CDH4: variants seen among roughly 807,000 people sequenced by gnomAD.
CDH4 encodes the protein cadherin-4.
Under a neutral mutation model 86.0 loss-of-function variants are expected in CDH4, and 33 were observed. The observed-to-expected ratio is 0.38, with a 90% confidence interval of 0.29 to 0.51. The LOEUF (loss-of-function observed/expected upper bound fraction) is 0.51. CDH4 is among the 20% of genes least tolerant of loss of function. CDH4 has a pLI of 0.86. For missense variants in CDH4, 1,114 were observed against 1,307.4 expected, an observed-to-expected ratio of 0.85 and a Z score of 2.28; for synonymous variants, 555 against 549.4, an observed-to-expected ratio of 1.01 and a Z score of -0.14.
At chr20:61,565,299 C>G (rs6121436) in intron 2 of CDH4, among the ~76,000 whole-genome samples, 2 of 10,040 alleles carry the variant, frequency 2.0e-4, no homozygotes, top group African/African-American at 7.0e-4. Context: ...ATGGTGGTGG[C>G]GGTGCTCTTG....
chr20:61,448,741 G>A (rs749323580), intron 2 of CDH4, among the ~76,000 whole-genome samples: 14 of 152,060 alleles, frequency 9.2e-5, no homozygotes, highest in Non-Finnish European at 1.9e-4. Flanking sequence ...TCGCGTGCAC[G>A]TGCAGTTCTG....
intron 2 of CDH4, among the ~76,000 whole-genome samples, chr20:61,479,175 GTTTTTTGT>G (rs973495572): frequency 9.8e-5 from 11 of 112,350 alleles, no homozygotes; most frequent in East Asian, 8.9e-4. Context: ...CTGGTTTTTT[GTTTTTTGT>G]TTTTTTGTTT....
chr20:61,764,091 A>G (rs1427920524), intron 3 of CDH4, among the ~76,000 whole-genome samples: 1 of 152,206 alleles, frequency 6.6e-6, no homozygotes, highest in African/African-American at 2.4e-5. Context: ...TTACAGCCTC[A>G]TCACACAGAC....
At chr20:61,616,276 G>A (rs948679442) in intron 2 of CDH4, among the ~76,000 whole-genome samples, 5 of 152,358 alleles carry the variant, frequency 3.3e-5, no homozygotes, top group Admixed American at 2.0e-4. Flanking sequence ...CTTCCCTCGG[G>A]GAATCAGCCA....
intron 2 of CDH4, among the ~76,000 whole-genome samples, chr20:61,459,412 C>G (rs1373135325): frequency 1.3e-5 from 2 of 151,736 alleles, no homozygotes; most frequent in Non-Finnish European, 2.9e-5. Flanking sequence ...CCCACCTGAT[C>G]ACACTGCAGT....
intron 6 of CDH4, among the ~76,000 whole-genome samples, chr20:61,863,873 GC>G (rs1305275086): frequency 6.6e-6 from 1 of 152,166 alleles, no homozygotes. Flanking sequence ...ATGGAAAGAG[GC>G]CCCCGTCTCC....
intron 2 of CDH4, among the ~76,000 whole-genome samples, chr20:61,391,014 G>A (rs6089420): frequency 0.36 from 54,492 of 152,070 alleles, 11,083 homozygotes; most frequent in East Asian, 0.79. Context: ...AGCTGGGGAA[G>A]AGGAGGCAGT....
rs577486713 is a variant in CDH4 at position 61,563,185 on chromosome 20, G to T, written c.170-180378G>T. ...ACACAAGGGCCCACGGGGAGCCCAG[G>T]CTTGGCACTGCCCAGCGGCAGCTCT... On this transcript the variant is annotated intron_variant, in intron 2 of 15. Coordinates refer to ENST00000614565, the MANE Select transcript of CDH4 (RefSeq NM_001794.5). Among the ~76,000 whole-genome samples the T allele has an allele frequency of 1.6e-4, 24 of 152,362 alleles. 1 individual carries two copies. The South Asian group carries it at 4.8e-3, about 30-fold the overall frequency.
intron 2 of CDH4, among the ~76,000 whole-genome samples, chr20:61,401,998 A>C (rs764854037): frequency 2.0e-5 from 3 of 152,262 alleles, no homozygotes; most frequent in Non-Finnish European, 2.9e-5. Context: ...GGAGGCCAGC[A>C]GTGGTTGCTC....
Position 61,773,016 on chromosome 20 carries a change from A to G in CDH4, c.410A>G (p.Lys137Arg). The part of the protein sequence containing the change: ...PHSGHKPQKG[K>R]KVVALDPSPP... ...TTCCAAATAAAGCCGCAGAAAGGAA[A>G]GAAGGTCGTGGCTCTGGACCCCTCT... The change falls in exon 4 of 16, where the codon AAG (lysine) becomes AGG (arginine). Residue 137 changes from lysine to arginine, a missense_variant. Physicochemically the swap from Lys to Arg is conservative, Grantham distance 26 (BLOSUM62 2). Transcript: ENST00000614565. 4 of 1,609,510 alleles carry G rather than the reference A, an allele frequency of 2.5e-6. No homozygotes were observed. The highest frequency in any genetic ancestry group is 1.3e-5 in the African/African-American group (1 of 74,918).
intron 2 of CDH4, among the ~76,000 whole-genome samples, chr20:61,589,593 T>C (rs1256561650): frequency 1.3e-5 from 2 of 152,152 alleles, no homozygotes; most frequent in African/African-American, 4.8e-5. Flanking sequence ...TCACTCTGTG[T>C]TTGCTGAACA....
chr20:61,513,748 C>T (rs772792012), intron 2 of CDH4, among the ~76,000 whole-genome samples: 1 of 152,162 alleles, frequency 6.6e-6, no homozygotes, highest in Non-Finnish European at 1.5e-5. Context: ...AGGTGAGAAG[C>T]GACCACCCCT....
chr20:61,285,127 C>T (rs554095324), intron 2 of CDH4, among the ~76,000 whole-genome samples: 71 of 152,036 alleles, frequency 4.7e-4, no homozygotes, highest in African/African-American at 1.5e-3. Flanking sequence ...TAGAGGAAAA[C>T]GGCCCCTGGC....
chr20:61,712,444 T>G (rs1259755588), intron 2 of CDH4, among the ~76,000 whole-genome samples: 4 of 152,100 alleles, frequency 2.6e-5, no homozygotes, highest in Admixed American at 2.6e-4. Flanking sequence ...ACTTAGCCAC[T>G]GCCCTAGAGG....
chr20:61,423,451 T>C (rs2085191454), intron 2 of CDH4, among the ~76,000 whole-genome samples: 1 of 152,190 alleles, frequency 6.6e-6, no homozygotes, highest in African/African-American at 2.4e-5. Context: ...AATTGACACA[T>C]TGCAAAACTA....
At chr20:61,727,681 TGGTGAGAGAGGA>T (rs1168272590) in intron 2 of CDH4, among the ~76,000 whole-genome samples, 4 of 151,940 alleles carry the variant, frequency 2.6e-5, no homozygotes, top group African/African-American at 9.7e-5. Flanking sequence ...GCAGATCACG[TGGTGAGAGAGGA>T]GGTGGGAGAG....
rs1020340402 is a variant in CDH4 at position 61,544,829 on chromosome 20, G to A, written c.170-198734G>A. Reference sequence around the variant, plus strand: ...CCCCGAGGAAGGAACCTTGTTCCTCGGTTATAAAACTTGAGCTTTTAATTG... The same window carrying A: ...CCCCGAGGAAGGAACCTTGTTCCTCAGTTATAAAACTTGAGCTTTTAATTG... On this transcript the variant is annotated intron_variant, in intron 2 of 15. Coordinates refer to ENST00000614565, the MANE Select transcript of CDH4 (RefSeq NM_001794.5). This position sits in a 1 kb window ranked among gnomAD's most constrained non-coding sequence, Gnocchi z 6.5. Among the ~76,000 whole-genome samples, 2 of 152,092 alleles carry A rather than the reference G, an allele frequency of 1.3e-5. No individual in the cohort carries two copies. The highest frequency in any genetic ancestry group is 6.5e-5 in the Admixed American group (1 of 15,272).
At chr20:61,274,132 C>G (rs66800300) in intron 2 of CDH4, among the ~76,000 whole-genome samples, 119,785 of 124,074 alleles carry the variant, frequency 0.97, 57,911 homozygotes, top group East Asian at 0.99. Flanking sequence ...TATTGGAGTA[C>G]CATGCGTAGT....
At chr20:61,395,680 T>G (rs893022729) in intron 2 of CDH4, among the ~76,000 whole-genome samples, 11 of 152,116 alleles carry the variant, frequency 7.2e-5, no homozygotes, top group African/African-American at 2.4e-5. Context: ...CTCCAGGGGC[T>G]GAGGTGGGAG....
Sources: allele counts gnomAD v4.1 joint callset (sites outside exome capture counted in the v4.1 genomes callset), GRCh38; gene constraint gnomAD v4.1.1; non-coding constraint Gnocchi (gnomAD v3.1); transcripts MANE v1.5; gene names NCBI Gene and HGNC (gene_info 2026-07-23, HGNC 2026-07-21).